Variants in DLG2 observed in about 807,000 individuals in gnomAD.
DLG2 encodes the protein discs large MAGUK scaffold protein 2, also known as disks large homolog 2.
Under a neutral mutation model 132.5 loss-of-function variants are expected in DLG2, and 45 were observed. The observed-to-expected ratio is 0.34, with a 90% confidence interval of 0.27 to 0.44. The LOEUF (loss-of-function observed/expected upper bound fraction) is 0.44, where lower values mean the gene tolerates loss of function less well. Among genes scored for constraint, DLG2 ranks in the 20% least tolerant of loss-of-function variants. DLG2 has a pLI of 1.00. For missense variants in DLG2, 1,045 were observed against 1,196.9 expected (o/e 0.87, Z 1.87); for synonymous variants, 424 against 419.6 (o/e 1.01, Z -0.13).
intron 21 of DLG2, among the ~76,000 whole-genome samples, chr11:83,489,166 C>T (rs1421502004): frequency 6.6e-6 from 1 of 151,872 alleles, no homozygotes; most frequent in Non-Finnish European, 1.5e-5. Flanking sequence ...GTCTTGAAAA[C>T]CTCTATTTAC....
chr11:84,163,429 G>T, intron 9 of DLG2, 32 bp downstream of exon 9: 1 of 1,562,120 alleles, frequency 6.4e-7, no homozygotes. Flanking sequence ...ATGCAAGATT[G>T]GGGCTTTGGA....
intron 5 of DLG2, among the ~76,000 whole-genome samples, chr11:85,147,841 C>T (rs2076964423): frequency 6.6e-6 from 1 of 152,086 alleles, no homozygotes; most frequent in Non-Finnish European, 1.5e-5. Flanking sequence ...ACCTATCAAC[C>T]AATCATCTAG....
rs541816890 is a variant in DLG2, at chr11:84,338,757, G to C, written c.520-87466C>G. ...GGAGGCAGAGGTTGCAGTGAGCCAA[G>C]ATGGCGCCACTGCACTCCAGCCTGG... On this transcript the variant is annotated intron_variant, in intron 7 of 27. Transcript: ENST00000376104. 2.0e-5 allele frequency among the ~76,000 whole-genome samples: 3 copies of C among 152,264 alleles called. No individual in the cohort carries two copies. In the South Asian group the frequency reaches 6.2e-4, roughly 32 times the overall value.
chr11:84,106,979 GGTGTGTGTGTGT>G (rs35530888), intron 9 of DLG2, among the ~76,000 whole-genome samples: 1 of 105,332 alleles, frequency 9.5e-6, no homozygotes, highest in Non-Finnish European at 2.1e-5. Flanking sequence ...TTAGCCTTAG[GGTGTGTGTGTGT>G]GTGTGTGTGT....
chr11:84,398,729 A>G (rs1248084347), intron 7 of DLG2, among the ~76,000 whole-genome samples: 1 of 151,850 alleles, frequency 6.6e-6, no homozygotes, highest in Non-Finnish European at 1.5e-5. Context: ...ATTCAGTGAA[A>G]AAAAGAGTTG....
At chr11:84,477,801 G>A (rs139739784) in intron 7 of DLG2, among the ~76,000 whole-genome samples, 31 of 152,286 alleles carry the variant, frequency 2.0e-4, no homozygotes, top group African/African-American at 2.2e-4. Context: ...GAGGATAGAT[G>A]AGAGTATGTG....
intron 6 of DLG2, among the ~76,000 whole-genome samples, chr11:84,717,937 T>G (rs2061407055): frequency 6.6e-6 from 1 of 152,068 alleles, no homozygotes; most frequent in Non-Finnish European, 1.5e-5. Flanking sequence ...ATAAATCATA[T>G]CAATAGTAAG....
chr11:83,455,921 T>C lies in DLG2; in HGVS notation c.*3897A>G, dbSNP rs1032002799. 1 of 152,438 alleles carries C rather than the reference T, an allele frequency of 6.6e-6. No homozygotes were observed. The highest frequency in any genetic ancestry group is 2.4e-5 in the African/African-American group (1 of 41,430). 9.4% of individuals were successfully genotyped at this position (152,438 alleles called of 1,614,324 possible). On this transcript the variant is annotated 3_prime_UTR_variant, in exon 28 of 28. Transcript: ENST00000376104. ...TGAGTCCTTGGCTTAAATATATTTG[T>C]AGGAATTTAGGCAGGACCAAGACAG...
intron 18 of DLG2, among the ~76,000 whole-genome samples, chr11:83,696,977 C>A (rs1020486280): frequency 6.6e-5 from 10 of 152,122 alleles, no homozygotes; most frequent in African/African-American, 2.4e-4. Context: ...CTAAAAGCAC[C>A]TTCAGAAAAG....
chr11:84,432,656 A>G (rs2098988126), intron 7 of DLG2, among the ~76,000 whole-genome samples: 1 of 152,124 alleles, frequency 6.6e-6, no homozygotes, highest in Non-Finnish European at 1.5e-5. Flanking sequence ...TTTATCCTCC[A>G]TTTTAGTTTT....
At chr11:84,208,554 G>A (rs1467443841) in intron 8 of DLG2, among the ~76,000 whole-genome samples, 1 of 152,052 alleles carries the variant, frequency 6.6e-6, no homozygotes, top group Non-Finnish European at 1.5e-5. Flanking sequence ...ATGTTAGCCA[G>A]GCTGGTCTCG....
At chr11:85,278,802 T>C (rs1004654019) in intron 4 of DLG2, among the ~76,000 whole-genome samples, 2 of 152,144 alleles carry the variant, frequency 1.3e-5, no homozygotes, top group Admixed American at 6.6e-5. Context: ...TTCTCGGCTA[T>C]AGTGTAAAGG....
At chr11:84,596,430 C>T (rs1042308177) in intron 6 of DLG2, among the ~76,000 whole-genome samples, 1 of 149,358 alleles carries the variant, frequency 6.7e-6, no homozygotes, top group African/African-American at 2.5e-5. Context: ...GACACGTTGG[C>T]CAGGCTCCTC....
chr11:84,639,699 A>G (rs993988132), intron 6 of DLG2, among the ~76,000 whole-genome samples: 1 of 152,114 alleles, frequency 6.6e-6, no homozygotes, highest in Admixed American at 6.6e-5. Context: ...CCAAATGAGC[A>G]AAGACAATCA....
chr11:85,154,380 T>TAC (rs2077461823), intron 5 of DLG2, among the ~76,000 whole-genome samples, 176 bp downstream of exon 5: 1 of 152,206 alleles, frequency 6.6e-6, no homozygotes, highest in Non-Finnish European at 1.5e-5. Context: ...CTCAACGTGA[T>TAC]ACACATTCAG....
intron 15 of DLG2, among the ~76,000 whole-genome samples, chr11:83,908,396 C>G (rs1027480192): frequency 3.3e-5 from 5 of 151,886 alleles, no homozygotes; most frequent in African/African-American, 1.2e-4. Context: ...TTCTCAGCAC[C>G]TCCTGAAGCA....
intron 6 of DLG2, among the ~76,000 whole-genome samples, chr11:84,735,174 C>T (rs999324427): frequency 7.9e-5 from 12 of 152,114 alleles, no homozygotes; most frequent in Admixed American, 2.0e-4. Context: ...GGGAAGATTC[C>T]TTCTTTTTCT....
At chr11:84,595,742 A>G (rs2099555195) in intron 6 of DLG2, among the ~76,000 whole-genome samples, 1 of 152,232 alleles carries the variant, frequency 6.6e-6, no homozygotes, top group Non-Finnish European at 1.5e-5. Context: ...TCCTTTAACC[A>G]TAAATAAAGC....
At chr11:83,706,570 A>G (rs2084047569) in intron 18 of DLG2, among the ~76,000 whole-genome samples, 1 of 152,190 alleles carries the variant, frequency 6.6e-6, no homozygotes, top group African/African-American at 2.4e-5. Flanking sequence ...GTTCATTTTG[A>G]GCAGTGATCC....
Sources: gnomAD v4.1 joint callset for allele counts (sites outside exome capture counted in the v4.1 genomes callset) on GRCh38, gnomAD v4.1.1 for gene constraint, MANE v1.5 for transcripts, NCBI Gene and HGNC (gene_info 2026-07-23, HGNC 2026-07-21) for gene names.